STON2: variants seen among roughly 807,000 people sequenced by gnomAD.
The protein encoded by STON2 is stonin-2.
STON2 carries 29 observed loss-of-function variants against 65.7 expected under a neutral mutation model. The ratio of observed to expected loss-of-function variants is 0.44; its 90% CI spans 0.33 to 0.60. The LOEUF is 0.60. Among genes scored for constraint, STON2 ranks in the 20% least tolerant of loss-of-function variants. STON2 has a pLI of 0.03. For missense variants in STON2, 1,054 were observed against 1,118.1 expected (o/e 0.94, Z 0.82); for synonymous variants, 404 against 414.2 (o/e 0.98, Z 0.30).
Position 81,268,295 on chromosome 14 carries a change from T to C in STON2, c.*119A>G, listed in dbSNP as rs1311727880. 3.3e-6 allele frequency: 4 copies of C among 1,224,750 alleles called. No homozygotes were observed. In the East Asian group the frequency reaches 2.3e-4, roughly 71 times the overall value. 75.9% of individuals were successfully genotyped at this position (1,224,750 alleles called of 1,614,324 possible). Reference sequence around the variant, plus strand: ...AAGATCTGGTATACTGTTCCCAACATGCAGTGGCCACAGCAGGTATTGACT... The same window carrying C: ...AAGATCTGGTATACTGTTCCCAACACGCAGTGGCCACAGCAGGTATTGACT... On this transcript the variant is annotated 3_prime_UTR_variant, in exon 8 of 8. Transcript: ENST00000614646.
At chr14:81,403,074 C>G (rs1900684004), upstream of STON2, among the ~76,000 whole-genome samples, 1 of 152,208 alleles carries the variant, frequency 6.6e-6, no homozygotes, top group South Asian at 2.1e-4. Flanking sequence ...CCTCTCTAAT[C>G]CCATGTGTCA....
intron 4 of STON2, among the ~76,000 whole-genome samples, chr14:81,334,739 G>A (rs930201582): frequency 2.0e-5 from 3 of 152,188 alleles, no homozygotes; most frequent in Non-Finnish European, 4.4e-5. Flanking sequence ...AAGGGTGACT[G>A]GGAAAGAGCA....
chr14:81,387,019 C>A (rs1352651744), intron 3 of STON2, among the ~76,000 whole-genome samples: 1 of 152,118 alleles, frequency 6.6e-6, no homozygotes, highest in Non-Finnish European at 1.5e-5. Context: ...GTTAATCAAA[C>A]TTTTTGTAAC....
At chr14:81,416,697 C>A (rs914162959) in intron 2 of STON2, among the ~76,000 whole-genome samples, 1 of 152,170 alleles carries the variant, frequency 6.6e-6, no homozygotes. Flanking sequence ...GTGGCCAAGT[C>A]ATCTGGGCCA....
intron 2 of STON2, among the ~76,000 whole-genome samples, chr14:81,417,571 A>T (rs1901498440): frequency 6.6e-6 from 1 of 152,214 alleles, no homozygotes; most frequent in Admixed American, 6.5e-5. Flanking sequence ...TAAGGAAACT[A>T]GGAGTGGTCC....
At chr14:81,367,684 A>G (rs1465516920) in intron 4 of STON2, among the ~76,000 whole-genome samples, 1 of 152,156 alleles carries the variant, frequency 6.6e-6, no homozygotes, top group Non-Finnish European at 1.5e-5. Context: ...GGGTTATTAC[A>G]GCTCAGGATG....
chr14:81,373,480 A>G (rs1899097719), intron 3 of STON2, among the ~76,000 whole-genome samples: 1 of 152,228 alleles, frequency 6.6e-6, no homozygotes, highest in African/African-American at 2.4e-5. Flanking sequence ...TGGAAATACA[A>G]TTAAAATATT....
chr14:81,312,678 C>T (rs1162496234), intron 5 of STON2, among the ~76,000 whole-genome samples: 1 of 152,196 alleles, frequency 6.6e-6, no homozygotes, highest in African/African-American at 2.4e-5. Flanking sequence ...AATCAAATTG[C>T]CCTTCATTGT....
intron 3 of STON2, among the ~76,000 whole-genome samples, chr14:81,386,812 A>T (rs1028980930): frequency 6.6e-6 from 1 of 152,158 alleles, no homozygotes; most frequent in East Asian, 1.9e-4. Flanking sequence ...TTTAAGGATG[A>T]ACTTTGCTCT....
chr14:81,383,416 A>T (rs113944891), intron 3 of STON2, among the ~76,000 whole-genome samples: 2,000 of 152,224 alleles, frequency 0.013, 57 homozygotes, highest in African/African-American at 0.046. Context: ...TCTCAAACAT[A>T]TATTTTTGTC....
intron 4 of STON2, among the ~76,000 whole-genome samples, chr14:81,358,735 A>G (rs1898363153): frequency 6.6e-6 from 1 of 152,204 alleles, no homozygotes; most frequent in Non-Finnish European, 1.5e-5. Flanking sequence ...GAGCTGGGAT[A>G]GCTATACTTA....
chr14:81,335,051 A>G (rs1380450986), intron 4 of STON2, among the ~76,000 whole-genome samples: 1 of 150,260 alleles, frequency 6.7e-6, no homozygotes, highest in Non-Finnish European at 1.5e-5. Flanking sequence ...GTGTGTGTAT[A>G]GACAGGGTTT....
At chr14:81,319,043 C>T (rs927925486) in intron 5 of STON2, among the ~76,000 whole-genome samples, 1 of 152,050 alleles carries the variant, frequency 6.6e-6, no homozygotes, top group African/African-American at 2.4e-5. Flanking sequence ...CTAAAGGTAG[C>T]GGCTGGTGCC....
At position 81,267,442 on chromosome 14, in the gene STON2, G is replaced by T. The variant is rs1566877865; in HGVS notation, c.*972C>A. 1.0e-6 allele frequency: 1 copy of T among 985,254 alleles called. No homozygotes were observed. Among genetic ancestry groups the T allele is most frequent in the Non-Finnish European group, 1.2e-6 (1 of 829,860 alleles). 61.0% of individuals were successfully genotyped at this position (985,254 alleles called of 1,614,324 possible). A position where few individuals can be genotyped will look rare whatever the true frequency, so the allele number is the denominator to read the frequency against. Reference sequence around the variant, plus strand: ...CTTTGCAGCTTAAATTTCCTATAAAGTTGGGTTAAAGGGACATGCAACTGT... The same window carrying T: ...CTTTGCAGCTTAAATTTCCTATAAATTTGGGTTAAAGGGACATGCAACTGT... On this transcript the variant is annotated 3_prime_UTR_variant, in exon 8 of 8. Coordinates refer to ENST00000614646, the MANE Select transcript of STON2 (RefSeq NM_001394390.1).
rs185579388 is a variant in STON2 at position 81,326,880 on chromosome 14, T to G, written c.572-2693A>C. 1.7e-3 allele frequency among the ~76,000 whole-genome samples: 263 copies of G among 152,352 alleles called. 1 individual carries two copies. The highest frequency in any genetic ancestry group is 5.8e-3 in the African/African-American group (243 of 41,578). ...ACATTACTTGGGACCTTAGATTGATTTGGGGTGTACAGTTTGACCTAATCC... is the reference window on the plus strand; with the variant it reads ...ACATTACTTGGGACCTTAGATTGATGTGGGGTGTACAGTTTGACCTAATCC... On this transcript the variant is annotated intron_variant, in intron 4 of 7. Coordinates refer to ENST00000614646, the MANE Select transcript of STON2 (RefSeq NM_001394390.1).
Position 81,370,994 on chromosome 14 carries a change from A to G in STON2, c.565T>C (p.Ser189Pro). The G allele has an allele frequency of 6.2e-7, 1 of 1,612,428 alleles. No homozygotes were observed. The highest frequency in any genetic ancestry group is 1.1e-5 in the South Asian group (1 of 90,990). The change falls in exon 4 of 8, where the codon TCA becomes CCA. Residue 189 changes from serine to proline, a missense_variant. Coordinates refer to ENST00000614646, the MANE Select transcript of STON2 (RefSeq NM_001394390.1). ...QTSGQASGAD[S>P]TDKRTEWQTG... is the part of the protein sequence containing the mutation. Reference sequence around the variant, plus strand: ...GCTTAGAGCTCCATCTTACCAGTTGAGTCAGCCCCAGAAGCCTGGCCACTC... The same window carrying G: ...GCTTAGAGCTCCATCTTACCAGTTGGGTCAGCCCCAGAAGCCTGGCCACTC...
chr14:81,328,949 A>G (rs113098891), intron 4 of STON2, among the ~76,000 whole-genome samples: 15 of 152,316 alleles, frequency 9.8e-5, no homozygotes, highest in African/African-American at 3.4e-4. Context: ...TACAACCTGA[A>G]GAACCATGAG....
chr14:81,271,497 C>T (rs1894591002), intron 6 of STON2, among the ~76,000 whole-genome samples: 1 of 152,160 alleles, frequency 6.6e-6, no homozygotes, highest in Non-Finnish European at 1.5e-5. Context: ...AGCTCCTGCC[C>T]TCAAGTCCTT....
Position 81,263,188 on chromosome 14 carries a change from T to G in STON2, c.*5226A>C, listed in dbSNP as rs937809324. ...ACCTAAGGCTAGCTTGTCCAACCCT[T>G]GGCCCATGATGGTTTTGAATGTGGC... On this transcript the variant is annotated 3_prime_UTR_variant, in exon 8 of 8. Transcript: ENST00000614646. The G allele has an allele frequency of 1.0e-6, 1 of 984,250 alleles. No individual in the cohort carries two copies. The highest frequency in any genetic ancestry group is 1.7e-5 in the African/African-American group (1 of 57,202). The allele number at this position is 984,250 out of a possible 1,614,324, so 61.0% of individuals were successfully genotyped here.
Sources: allele counts gnomAD v4.1 joint callset (sites outside exome capture counted in the v4.1 genomes callset), GRCh38; gene constraint gnomAD v4.1.1; transcripts MANE v1.5; gene names NCBI Gene and HGNC (gene_info 2026-07-23, HGNC 2026-07-21).